The following FRY variants were observed in gnomAD, a reference collection of about 807,000 sequenced individuals.
FRY encodes the protein FRY microtubule binding protein.
Under a neutral mutation model 348.4 loss-of-function variants are expected in FRY, and 128 were observed. The ratio of observed to expected loss-of-function variants is 0.37; its 90% CI spans 0.32 to 0.43. The LOEUF (loss-of-function observed/expected upper bound fraction) is 0.43, where lower values mean the gene tolerates loss of function less well. Ranked by LOEUF, FRY falls within the 20% of genes least tolerant of loss-of-function variation. FRY has a pLI of 1.00. For synonymous variants in FRY, 1,370 were observed against 1,374.7 expected, an observed-to-expected ratio of 1.00 and a Z score of 0.08; for missense variants, 2,736 against 3,695.2, an observed-to-expected ratio of 0.74 and a Z score of 6.73.
chr13:32,295,164 A>G, intron 60 of FRY, 38 bp from the exon 61 acceptor site: 1 of 1,606,780 alleles, frequency 6.2e-7, no homozygotes, highest in Non-Finnish European at 8.5e-7. Context: ...TTTGTGACTA[A>G]TAGTGCCTCT....
At chr13:32,173,907 T>C (rs1024264733) in intron 19 of FRY, among the ~76,000 whole-genome samples, 5 of 152,236 alleles carry the variant, frequency 3.3e-5, no homozygotes, top group African/African-American at 9.6e-5. Context: ...AAAAATCATA[T>C]ATCTCATTTG....
chr13:32,034,258 G>A (rs1593547709), intron 1 of FRY, among the ~76,000 whole-genome samples: 4 of 152,146 alleles, frequency 2.6e-5, no homozygotes, highest in African/African-American at 7.2e-5. Context: ...GCGTTTCCAG[G>A]TAAAGCTTTC....
chr13:32,250,195 T>C (rs778528156), intron 49 of FRY, among the ~76,000 whole-genome samples: 3 of 152,246 alleles, frequency 2.0e-5, no homozygotes, highest in Non-Finnish European at 2.9e-5. Context: ...AGATTCTCTG[T>C]AGTTCTGTCA....
At chr13:32,281,597 C>G (rs1234356327) in intron 58 of FRY, among the ~76,000 whole-genome samples, 1 of 152,150 alleles carries the variant, frequency 6.6e-6, no homozygotes, top group Non-Finnish European at 1.5e-5. Flanking sequence ...GCCCCATTGT[C>G]AGTATTAGCT....
At position 32,194,202 on chromosome 13, in the gene FRY, A is replaced by T; in HGVS notation, c.3651A>T (p.Ile1217=). The change falls in exon 29 of 61, where the codon ATA becomes ATT. Residue 1217 remains isoleucine, a synonymous_variant. Coordinates refer to ENST00000542859, the MANE Select transcript of FRY (RefSeq NM_023037.3). The stretch of plus-strand genomic sequence containing the variant: ...TACTGGAACTTAATCCTGACCAAAT[A>T]AATCTTTTTAACTGGGCAATTGACC... ...VLLLELNPDQ[I]NLFNWAIDRC... 3 of 1,614,078 alleles carry T rather than the reference A, an allele frequency of 1.9e-6. No individual in the cohort carries two copies. Among genetic ancestry groups the T allele is most frequent in the Middle Eastern group, 3.3e-4 (2 of 6,062 alleles).
chr13:32,056,926 A>G (rs1275090411), intron 1 of FRY, among the ~76,000 whole-genome samples: 1 of 152,188 alleles, frequency 6.6e-6, no homozygotes, highest in Non-Finnish European at 1.5e-5. Flanking sequence ...TTATAAGACC[A>G]ATTATGAAAA....
At chr13:32,112,210 A>G (rs1229370968) in intron 3 of FRY, among the ~76,000 whole-genome samples, 1 of 152,076 alleles carries the variant, frequency 6.6e-6, no homozygotes, top group Non-Finnish European at 1.5e-5. Flanking sequence ...TTCTGTTATT[A>G]ACTTAGCCTG....
Position 32,239,152 on chromosome 13 carries a change from T to C in FRY, c.6419-100T>C. Reference sequence around the variant, plus strand: ...TTTAAGCTGATTCAAAAAACTGCTTTTGCATCACCTCAGTATAAAAATCTG... The same window carrying C: ...TTTAAGCTGATTCAAAAAACTGCTTCTGCATCACCTCAGTATAAAAATCTG... On this transcript the variant is annotated intron_variant, in intron 44 of 60. Transcript: ENST00000542859. The surrounding 1 kb of genome is among the most constrained non-coding windows in gnomAD (Gnocchi z 4.3). 1.2e-6 allele frequency: 1 copy of C among 808,100 alleles called. No individual in the cohort carries two copies. The allele number at this position is 808,100 out of a possible 1,614,324, so 50.1% of individuals were successfully genotyped here. A position where few individuals can be genotyped will look rare whatever the true frequency, so the allele number is the denominator to read the frequency against.
intron 1 of FRY, among the ~76,000 whole-genome samples, chr13:32,049,660 C>T (rs1376252322): frequency 6.6e-6 from 1 of 152,098 alleles, no homozygotes; most frequent in African/African-American, 2.4e-5. Flanking sequence ...GGACTCTGCA[C>T]TGAGAATGGA....
At chr13:32,177,415 C>G (rs995055329) in intron 20 of FRY, among the ~76,000 whole-genome samples, 20 of 151,994 alleles carry the variant, frequency 1.3e-4, no homozygotes, top group Admixed American at 9.2e-4. Context: ...CATGGTGAAA[C>G]CCTGTTTCTT....
At chr13:32,287,148 G>T (rs1169931870) in intron 58 of FRY, among the ~76,000 whole-genome samples, 1 of 149,206 alleles carries the variant, frequency 6.7e-6, no homozygotes, top group South Asian at 2.1e-4. Flanking sequence ...CTGGGCGACA[G>T]AGTGAGACTC....
chr13:32,154,092 T>C (rs1880961112), intron 14 of FRY, among the ~76,000 whole-genome samples: 1 of 152,172 alleles, frequency 6.6e-6, no homozygotes. Flanking sequence ...TGACCACATA[T>C]GTCATCCCAC....
chr13:32,052,701 C>A (rs1408492609), intron 1 of FRY, among the ~76,000 whole-genome samples: 1 of 152,126 alleles, frequency 6.6e-6, no homozygotes, highest in Non-Finnish European at 1.5e-5. Flanking sequence ...ATAAAATTTA[C>A]AGTTGAAAAA....
At chr13:32,275,259 G>C (rs575312047) in intron 56 of FRY, 31 of 314,320 alleles carry the variant, frequency 9.9e-5, no homozygotes, top group African/African-American at 6.6e-4. Flanking sequence ...GTAGTGGCAG[G>C]CGCCTGTAAT....
At chr13:32,047,580 T>TGG (rs1341070669) in intron 1 of FRY, among the ~76,000 whole-genome samples, 2 of 122,496 alleles carry the variant, frequency 1.6e-5, no homozygotes, top group Admixed American at 9.0e-5. Flanking sequence ...TTCTTTTTTT[T>TGG]TGGGGGGGGT....
rs375240365 is a variant in FRY, at chr13:32,096,442, G to GT, written c.271-5521_271-5520insT. Among the ~76,000 whole-genome samples the GT allele has an allele frequency of 2.0e-3, 306 of 151,848 alleles. 1 individual carries two copies. Among genetic ancestry groups the GT allele is most frequent in the African/African-American group, 7.1e-3 (294 of 41,406 alleles). On this transcript the variant is annotated intron_variant, in intron 2 of 60. Transcript: ENST00000542859. ...GACTCTGCTAGGGAAAACTGCGGGG[G>GT]GGGGCTTCATCTGGGAAATGACATT...
At chr13:32,244,297 A>T (rs556132982) in intron 47 of FRY, 115 bp downstream of exon 47, 17 of 943,948 alleles carry the variant, frequency 1.8e-5, no homozygotes, top group Non-Finnish European at 2.7e-5. Flanking sequence ...ATTCCTTGAC[A>T]TCCATGGCAC....
chr13:32,264,057 G>T (rs1447763615), intron 53 of FRY, among the ~76,000 whole-genome samples: 1 of 152,084 alleles, frequency 6.6e-6, no homozygotes, highest in Non-Finnish European at 1.5e-5. Context: ...CCAAGGAAAA[G>T]TCGAGTCCCA....
Position 32,237,245 on chromosome 13 carries a change from A to C in FRY, c.5811-134A>C. The C allele has an allele frequency of 1.1e-6, 1 of 915,786 alleles. No homozygotes were observed. Among genetic ancestry groups the C allele is most frequent in the South Asian group, 1.5e-5 (1 of 64,884 alleles). The allele number at this position is 915,786 out of a possible 1,614,324, so 56.7% of individuals were successfully genotyped here. A position where few individuals can be genotyped will look rare whatever the true frequency, so the allele number is the denominator to read the frequency against. On this transcript the variant is annotated intron_variant, in intron 43 of 60. Transcript: ENST00000542859. This position sits in a 1 kb window ranked among gnomAD's most constrained non-coding sequence, Gnocchi z 6.3. ...GTTTTTTATAGCTTTAAAGATAAGG[A>C]AAAATAAATGAATAGAAAGTGGCAT...
Sources: gnomAD v4.1 joint callset for allele counts (sites outside exome capture counted in the v4.1 genomes callset) on GRCh38, gnomAD v4.1.1 for gene constraint, Gnocchi (gnomAD v3.1) non-coding constraint, MANE v1.5 for transcripts, NCBI Gene and HGNC (gene_info 2026-07-23, HGNC 2026-07-21) for gene names.